Variants in MYH10 observed in about 807,000 individuals in gnomAD.
The protein encoded by MYH10 is myosin-10.
A neutral mutation model predicts 257.8 loss-of-function variants in MYH10; 55 were observed. The ratio of observed to expected loss-of-function variants is 0.21; its 90% CI spans 0.17 to 0.27. MYH10 has a LOEUF of 0.27. Ranked by LOEUF, MYH10 falls within the 10% of genes least tolerant of loss-of-function variation. The probability of loss-of-function intolerance (pLI) is 1.00; values close to 1 mark genes in which losing one functional copy is unlikely to be tolerated. For missense variants in MYH10, 1,631 were observed against 2,500.6 expected, an observed-to-expected ratio of 0.65 and a Z score of 7.42; for synonymous variants, 854 against 921.7, an observed-to-expected ratio of 0.93 and a Z score of 1.33.
At chr17:8,587,500 G>T (rs187847018) in intron 4 of MYH10, among the ~76,000 whole-genome samples, 8 of 152,132 alleles carry the variant, frequency 5.3e-5, no homozygotes, top group African/African-American at 1.9e-4. Flanking sequence ...CATTAGATTA[G>T]AATTTTCTCA....
intron 4 of MYH10, among the ~76,000 whole-genome samples, chr17:8,587,529 C>A (rs2083954347): frequency 6.6e-6 from 1 of 152,140 alleles, no homozygotes; most frequent in African/African-American, 2.4e-5. Context: ...CTCCCCACCC[C>A]TACTTACCCG....
intron 8 of MYH10, 149 bp downstream of exon 8, chr17:8,553,806 A>G: frequency 1.6e-6 from 1 of 610,172 alleles, no homozygotes; most frequent in Non-Finnish European, 3.0e-6. Flanking sequence ...AATATTCACT[A>G]GTCGAAAGTA....
At position 8,591,220 on chromosome 17, in the gene MYH10, C is replaced by T. The variant is rs146676135; in HGVS notation, c.503-2112G>A. Reference sequence around the variant, plus strand: ...TTTTAGAATCAGACAAACAATACTGCGGTTGACTGCCCACTAGAATGCATT... The same window carrying T: ...TTTTAGAATCAGACAAACAATACTGTGGTTGACTGCCCACTAGAATGCATT... On this transcript the variant is annotated intron_variant, in intron 3 of 42. Coordinates refer to ENST00000360416, the MANE Select transcript of MYH10 (RefSeq NM_001256012.3). Among the ~76,000 whole-genome samples, 37 of 152,166 alleles carry T rather than the reference C, an allele frequency of 2.4e-4. No homozygotes were observed. The East Asian group carries it at 6.7e-3, about 28-fold the overall frequency.
At chr17:8,561,527 G>T in intron 7 of MYH10, 1 of 1,428,622 alleles carries the variant, frequency 7.0e-7, no homozygotes, top group Non-Finnish European at 9.8e-7. Context: ...CCCCCACCCC[G>T]ATTTAGACCT....
chr17:8,476,988 C>G lies in MYH10; in HGVS notation c.5767G>C (p.Glu1923Gln). 1 of 1,614,228 alleles carries G rather than the reference C, an allele frequency of 6.2e-7. No individual in the cohort carries two copies. The highest frequency in any genetic ancestry group is 8.5e-7 in the Non-Finnish European group (1 of 1,180,052). ...CGAGATGCGTTGGCACGCGTCGCTTCTTCTTCTGCTTCCTCCAGCTGGCGT... is the reference window on the plus strand; with the variant it reads ...CGAGATGCGTTGGCACGCGTCGCTTGTTCTTCTGCTTCCTCCAGCTGGCGT... ...LKRQLEEAEE[E>Q]ATRANASRRK... Residue 1923 changes from glutamate to glutamine, a missense_variant, in exon 42 of 43, where the codon GAA becomes CAA. Around this residue, in one of 11 missense-constraint regions of MYH10, gnomAD observed 343 missense variants for 389.5 expected, o/e 0.88. Coordinates refer to ENST00000360416, the MANE Select transcript of MYH10 (RefSeq NM_001256012.3).
chr17:8,487,407 G>C lies in MYH10; in HGVS notation c.5046+26C>G, dbSNP rs60296394. On this transcript the variant is annotated intron_variant, in intron 36 of 42. Coordinates refer to ENST00000360416, the MANE Select transcript of MYH10 (RefSeq NM_001256012.3). ...CACATAGGTCACGTGGTGCCATCCAGAGACTCCATGGGTGAAGGCACATAC... is the reference window on the plus strand; with the variant it reads ...CACATAGGTCACGTGGTGCCATCCACAGACTCCATGGGTGAAGGCACATAC... 6,108 of 1,613,244 alleles carry C rather than the reference G, an allele frequency of 3.8e-3. 116 individuals carry two copies. In the African/African-American group the frequency reaches 0.053, roughly 14 times the overall value.
At chr17:8,533,205 G>A (rs917007842) in intron 16 of MYH10, among the ~76,000 whole-genome samples, 2 of 151,960 alleles carry the variant, frequency 1.3e-5, no homozygotes, top group Non-Finnish European at 2.9e-5. Context: ...TCACTTCTTC[G>A]AATTCAGAAT....
intron 17 of MYH10, among the ~76,000 whole-genome samples, chr17:8,524,006 A>G (rs946448540): frequency 4.6e-5 from 7 of 152,128 alleles, no homozygotes; most frequent in Non-Finnish European, 1.0e-4. Flanking sequence ...GACAAGAGGA[A>G]AATTCCAGTC....
chr17:8,596,631 A>G (rs2084381922), intron 3 of MYH10, among the ~76,000 whole-genome samples: 1 of 75,886 alleles, frequency 1.3e-5, no homozygotes, highest in Admixed American at 1.8e-4. Context: ...TATTCTTAAA[A>G]GGGAGGGGGA....
intron 17 of MYH10, among the ~76,000 whole-genome samples, chr17:8,524,446 T>C (rs1193715374): frequency 2.7e-5 from 2 of 74,526 alleles, no homozygotes; most frequent in Non-Finnish European, 4.5e-5. Context: ...CGAGACTCTG[T>C]CTCAAAAAAA....
chr17:8,593,301 AC>A (rs1281559476), intron 3 of MYH10, among the ~76,000 whole-genome samples: 2 of 151,756 alleles, frequency 1.3e-5, no homozygotes, highest in African/African-American at 4.8e-5. Context: ...TGTTCTCACC[AC>A]TCCTATTCAA....
chr17:8,585,480 G>C (rs12939599), intron 4 of MYH10, among the ~76,000 whole-genome samples: 104,048 of 151,060 alleles, frequency 0.69, 35,911 homozygotes, highest in East Asian at 0.77. Flanking sequence ...GAAGACCCCA[G>C]TCACACACAC....
At chr17:8,484,975 TAAAG>T (rs1250262744) in intron 36 of MYH10, among the ~76,000 whole-genome samples, 2 of 152,090 alleles carry the variant, frequency 1.3e-5, no homozygotes, top group East Asian at 3.9e-4. Context: ...TTAGGCAAGA[TAAAG>T]AAATAAAAGA....
intron 36 of MYH10, among the ~76,000 whole-genome samples, chr17:8,486,577 A>AC (rs755661379): frequency 3.6e-5 from 5 of 137,692 alleles, no homozygotes; most frequent in African/African-American, 1.4e-4. Flanking sequence ...AAAAAAAAAA[A>AC]AAATGGAAAC....
chr17:8,594,565 G>A (rs371246917), intron 3 of MYH10, among the ~76,000 whole-genome samples: 2 of 152,054 alleles, frequency 1.3e-5, no homozygotes, highest in Admixed American at 6.5e-5. Flanking sequence ...ATGACCCAGC[G>A]ATCTTACTCC....
chr17:8,583,766 A>T (rs1280260973), intron 4 of MYH10, among the ~76,000 whole-genome samples: 1 of 152,232 alleles, frequency 6.6e-6, no homozygotes, highest in East Asian at 1.9e-4. Context: ...ATTTGTATAT[A>T]ATAGATAAGA....
intron 3 of MYH10, among the ~76,000 whole-genome samples, chr17:8,603,642 A>G (rs1037158594): frequency 2.0e-5 from 3 of 152,168 alleles, no homozygotes; most frequent in Non-Finnish European, 4.4e-5. Flanking sequence ...TTCTGCATCT[A>G]AAGATCATTC....
At chr17:8,564,577 A>C (rs1003450397) in intron 7 of MYH10, among the ~76,000 whole-genome samples, 1 of 152,174 alleles carries the variant, frequency 6.6e-6, no homozygotes, top group South Asian at 2.1e-4. Context: ...TAAAGTTAAC[A>C]CCAATATGAA....
intron 1 of MYH10, among the ~76,000 whole-genome samples, chr17:8,629,452 C>A (rs1297236793): frequency 2.0e-5 from 3 of 148,946 alleles, no homozygotes; most frequent in Non-Finnish European, 3.0e-5. Flanking sequence ...GTTATCCAAA[C>A]CTCACCAGCC....
Sources: allele counts gnomAD v4.1 joint callset (sites outside exome capture counted in the v4.1 genomes callset), GRCh38; gene constraint gnomAD v4.1.1; regional missense constraint gnomAD v4.1.1; transcripts MANE v1.5; gene names NCBI Gene and HGNC (gene_info 2026-07-23, HGNC 2026-07-21).